Variants in FBXW7 observed in about 807,000 individuals in gnomAD.
FBXW7 encodes F-box/WD repeat-containing protein 7.
A neutral mutation model predicts 86.3 loss-of-function variants in FBXW7; 11 were observed. The observed-to-expected ratio is 0.13, with a 90% CI of 0.08 to 0.21. The LOEUF is 0.21. FBXW7 is among the 10% of genes least tolerant of loss of function. FBXW7 has a pLI of 1.00. For synonymous variants in FBXW7, 313 were observed against 297.9 expected (o/e 1.05, Z -0.52); for missense variants, 488 against 847.4 (o/e 0.58, Z 5.27).
intron 2 of FBXW7, among the ~76,000 whole-genome samples, chr4:152,533,104 C>T (rs567312430): frequency 6.6e-6 from 1 of 151,948 alleles, no homozygotes; most frequent in South Asian, 2.1e-4. Context: ...GCATGAGAAT[C>T]GCTTGAACCT....
chr4:152,528,144 T>G (rs75103496), intron 2 of FBXW7, among the ~76,000 whole-genome samples: 2,434 of 152,106 alleles, frequency 0.016, 77 homozygotes, highest in African/African-American at 0.056. Context: ...TCTAACACAA[T>G]ACACTAGGTA....
intron 5 of FBXW7, 40 bp from the exon 6 acceptor site, chr4:152,347,111 G>A (rs764459590): frequency 3.6e-5 from 56 of 1,555,532 alleles, no homozygotes; most frequent in Non-Finnish European, 4.8e-5. Context: ...AGGATAAAAG[G>A]AAAAAAACAA....
intron 4 of FBXW7, among the ~76,000 whole-genome samples, chr4:152,393,501 A>C (rs1046538817): frequency 6.6e-6 from 1 of 152,162 alleles, no homozygotes; most frequent in African/African-American, 2.4e-5. Context: ...AACACGTGAT[A>C]AACACTACAG....
chr4:152,470,290 TATAGATCA>T (rs1743832593), intron 2 of FBXW7, among the ~76,000 whole-genome samples: 1 of 152,066 alleles, frequency 6.6e-6, no homozygotes, highest in Non-Finnish European at 1.5e-5. Context: ...GACAAAAAAT[TATAGATCA>T]AGACCACGGC....
chr4:152,339,668 G>A (rs1169393821), intron 6 of FBXW7, among the ~76,000 whole-genome samples: 1 of 152,180 alleles, frequency 6.6e-6, no homozygotes, highest in East Asian at 1.9e-4. Context: ...TAGGCCAGGT[G>A]TGTTGGCTCA....
At chr4:152,360,473 G>A (rs887830703) in intron 4 of FBXW7, among the ~76,000 whole-genome samples, 11 of 152,210 alleles carry the variant, frequency 7.2e-5, no homozygotes, top group African/African-American at 2.6e-4. Context: ...ACAATTCACC[G>A]ATTCTTGCCA....
intron 2 of FBXW7, among the ~76,000 whole-genome samples, chr4:152,497,920 A>G (rs1191615905): frequency 1.3e-5 from 2 of 152,238 alleles, no homozygotes; most frequent in Non-Finnish European, 2.9e-5. Flanking sequence ...CTAAATCTAC[A>G]CATGTCAATA....
intron 11 of FBXW7, among the ~76,000 whole-genome samples, chr4:152,327,320 GA>G (rs1314596592): frequency 6.6e-6 from 1 of 151,990 alleles, no homozygotes; most frequent in African/African-American, 2.4e-5. Flanking sequence ...AATCTGGTGT[GA>G]AATCTGCTTA....
chr4:152,387,446 A>T (rs564849379), intron 4 of FBXW7, among the ~76,000 whole-genome samples: 1 of 152,214 alleles, frequency 6.6e-6, no homozygotes, highest in African/African-American at 2.4e-5. Context: ...AACATCATAG[A>T]TATCAGAGTA....
chr4:152,324,741 T>A, intron 12 of FBXW7: 1 of 213,332 alleles, frequency 4.7e-6, no homozygotes, highest in East Asian at 1.3e-4. Flanking sequence ...ACTGAGAGAA[T>A]TGCTATGAGT....
intron 2 of FBXW7, among the ~76,000 whole-genome samples, chr4:152,463,499 C>T (rs1035800608): frequency 1.7e-4 from 25 of 151,164 alleles, no homozygotes; most frequent in African/African-American, 5.1e-4. Context: ...CAAGTGTAGA[C>T]AAGAAGTGGT....
At chr4:152,421,512 A>G (rs546891584) in intron 2 of FBXW7, among the ~76,000 whole-genome samples, 54 of 152,192 alleles carry the variant, frequency 3.5e-4, no homozygotes, top group Non-Finnish European at 7.1e-4. Flanking sequence ...AGCCTGATCA[A>G]CATAGCGAGA....
At chr4:152,335,531 C>A (rs188449729) in intron 7 of FBXW7, among the ~76,000 whole-genome samples, 65 of 152,290 alleles carry the variant, frequency 4.3e-4, no homozygotes, top group African/African-American at 1.5e-3. Flanking sequence ...CCAGTTAATG[C>A]AGTTTTCTAT....
At chr4:152,500,395 C>G (rs1746811913) in intron 2 of FBXW7, among the ~76,000 whole-genome samples, 1 of 148,226 alleles carries the variant, frequency 6.7e-6, no homozygotes, top group South Asian at 2.1e-4. Flanking sequence ...TGCACCATAC[C>G]AATACATTCA....
intron 2 of FBXW7, among the ~76,000 whole-genome samples, chr4:152,470,587 A>T (rs1743858708): frequency 6.6e-6 from 1 of 152,146 alleles, no homozygotes; most frequent in Non-Finnish European, 1.5e-5. Context: ...ACAAAAAGAA[A>T]TGTATAATGG....
chr4:152,512,781 T>C (rs1314619686), intron 2 of FBXW7, among the ~76,000 whole-genome samples: 1 of 152,188 alleles, frequency 6.6e-6, no homozygotes, highest in South Asian at 2.1e-4. Context: ...CAGGGTTCTT[T>C]TGAGGTAATG....
At chr4:152,438,157 G>A (rs1446179727) in intron 2 of FBXW7, among the ~76,000 whole-genome samples, 1 of 152,164 alleles carries the variant, frequency 6.6e-6, no homozygotes, top group Non-Finnish European at 1.5e-5. Flanking sequence ...CTGGGCAACA[G>A]AGCAAGACTG....
intron 4 of FBXW7, among the ~76,000 whole-genome samples, chr4:152,377,606 A>G (rs1434543368): frequency 6.6e-6 from 1 of 151,278 alleles, no homozygotes; most frequent in African/African-American, 2.4e-5. Flanking sequence ...ATCAAAAAAA[A>G]AAAAAAAAGT....
rs1217885059 is a variant in FBXW7, at chr4:152,412,364, GAC to G, written c.-70+114_-70+115del. On this transcript the variant is annotated intron_variant, in intron 3 of 13. Coordinates refer to ENST00000281708, the MANE Select transcript of FBXW7 (RefSeq NM_001349798.2). The stretch of plus-strand genomic sequence containing the variant: ...TTCTGATCACAGAATCTTGCCTTCA[GAC>G]ACAGTTTTCTAGCAGGTAACAATTA... 5 of 151,846 alleles carry G rather than the reference GAC, an allele frequency of 3.3e-5. No homozygotes were observed. The East Asian group carries it at 5.8e-4, about 18-fold the overall frequency. The allele number at this position is 151,846 out of a possible 1,614,324, so 9.4% of individuals were successfully genotyped here. A position where few individuals can be genotyped will look rare whatever the true frequency, so the allele number is the denominator to read the frequency against.
Sources: allele counts gnomAD v4.1 joint callset (sites outside exome capture counted in the v4.1 genomes callset), GRCh38; gene constraint gnomAD v4.1.1; transcripts MANE v1.5; gene names NCBI Gene and HGNC (gene_info 2026-07-23, HGNC 2026-07-21).